The following NPIPB8 variants were observed in gnomAD, a reference collection of about 807,000 sequenced individuals.
NPIPB8 encodes nuclear pore complex interacting protein family member B8, also known as nuclear pore complex-interacting protein family member B8.
Under a neutral mutation model 5.3 loss-of-function variants are expected in NPIPB8, and 3 were observed. The observed-to-expected ratio is 0.57, with a 90% CI of 0.26 to 1.47. The LOEUF is 1.47. NPIPB8 is among the 40% of genes most tolerant of loss of function. The probability of loss-of-function intolerance (pLI) is 0.13; values close to 1 mark genes in which losing one functional copy is unlikely to be tolerated. For missense variants in NPIPB8, 50 were observed against 50.2 expected (o/e 1.00, Z 0.01); for synonymous variants, 18 against 23.0 (o/e 0.78, Z 0.62).
intron 2 of NPIPB8, among the ~76,000 whole-genome samples, chr16:28,641,979 C>T (rs1028617460): frequency 5.4e-5 from 8 of 148,210 alleles, no homozygotes; most frequent in African/African-American, 1.0e-4. Context: ...GCTATGATCA[C>T]GGTGACTCTA....
intron 2 of NPIPB8, among the ~76,000 whole-genome samples, chr16:28,645,213 T>C (rs562976366): frequency 6.4e-5 from 8 of 125,724 alleles, no homozygotes; most frequent in South Asian, 2.4e-4. Flanking sequence ...GTATTTTTAG[T>C]AGAGACGGGG....
At chr16:28,641,147 A>G (rs2047888925) in intron 2 of NPIPB8, among the ~76,000 whole-genome samples, 1 of 151,846 alleles carries the variant, frequency 6.6e-6, no homozygotes, top group African/African-American at 2.4e-5. Context: ...CTTTGTTCCA[A>G]TGGCCCTGGG....
intron 1 of NPIPB8, 67 bp downstream of exon 1, chr16:28,638,217 G>C (rs989350365): frequency 2.1e-6 from 3 of 1,421,010 alleles, no homozygotes; most frequent in Admixed American, 2.4e-5. Context: ...ATTTGAACTT[G>C]GTTCTGTCCT....
At chr16:28,641,613 G>A (rs1313049382) in intron 2 of NPIPB8, among the ~76,000 whole-genome samples, 1 of 137,180 alleles carries the variant, frequency 7.3e-6, no homozygotes, top group East Asian at 2.0e-4. Context: ...TGCCTTCAGT[G>A]ACCAAGGGCC....
chr16:28,640,410 G>C (rs1232599701), intron 2 of NPIPB8, among the ~76,000 whole-genome samples: 1 of 152,152 alleles, frequency 6.6e-6, no homozygotes, highest in Non-Finnish European at 1.5e-5. Flanking sequence ...GCTGTCAGTT[G>C]CTCCAAGAGA....
rs755186099 is a variant in NPIPB8, at chr16:28,638,312, T to C, written c.-38-11T>C. ...TCATTCAACAAACTTTTTTTCTTAA[T>C]TGTCTAATAGGTTGGCACTCATCAT... On this transcript the variant is annotated splice_polypyrimidine_tract_variant and intron_variant, in intron 1 of 7. Transcript: ENST00000683297. The C allele has an allele frequency of 4.5e-6, 7 of 1,557,574 alleles. No individual in the cohort carries two copies. The Admixed American group carries it at 5.6e-5, about 13-fold the overall frequency.
intron 2 of NPIPB8, among the ~76,000 whole-genome samples, chr16:28,638,979 G>C (rs1454680757): frequency 6.7e-6 from 1 of 149,908 alleles, no homozygotes; most frequent in African/African-American, 2.5e-5. Context: ...TGAGACAGGA[G>C]AATTGCTTAG....
chr16:28,646,198 G>T, intron 2 of NPIPB8, among the ~76,000 whole-genome samples: 2 of 18,170 alleles, frequency 1.1e-4, no homozygotes, highest in Non-Finnish European at 1.9e-4. Flanking sequence ...TCTCCACCTT[G>T]GTAATTTTTT....
At chr16:28,637,892 G>A, upstream of NPIPB8, 1 of 366,074 alleles carries the variant, frequency 2.7e-6, no homozygotes, top group South Asian at 4.1e-5. Flanking sequence ...AAGGCCTTGT[G>A]TGATTAAATA....
Position 28,639,516 on chromosome 16 carries a change from G to A in NPIPB8, c.120+1036G>A, listed in dbSNP as rs1448789189. ...CTGTCCCCCAGGCTGGAGTGCAATG[G>A]CACAATCTTGGCTCACTGCAACCTC... is the stretch of plus-strand genomic sequence containing the variant. On this transcript the variant is annotated intron_variant, in intron 2 of 7. Coordinates refer to ENST00000683297, the MANE Select transcript of NPIPB8 (RefSeq NM_001310136.2). Among the ~76,000 whole-genome samples, 179 of 133,780 alleles carry A rather than the reference G, an allele frequency of 1.3e-3. 1 individual carries two copies. The highest frequency in any genetic ancestry group is 2.3e-3 in the Admixed American group (30 of 13,224). The allele number at this position is 133,780 out of a possible 152,430, so 87.8% of individuals were successfully genotyped here. A position where few individuals can be genotyped will look rare whatever the true frequency, so the allele number is the denominator to read the frequency against.
At chr16:28,639,750 G>A (rs565912937) in intron 2 of NPIPB8, among the ~76,000 whole-genome samples, 4 of 150,518 alleles carry the variant, frequency 2.7e-5, no homozygotes, top group Admixed American at 1.3e-4. Flanking sequence ...GCTACACCCC[G>A]TCCAAGATAA....
intron 1 of NPIPB8, 57 bp from the exon 2 acceptor site, chr16:28,638,266 A>G: frequency 1.3e-6 from 2 of 1,534,010 alleles, no homozygotes; most frequent in South Asian, 2.4e-5. Flanking sequence ...TATAGACTCA[A>G]ACATCACCTT....
At chr16:28,644,560 C>A (rs1267625616) in intron 2 of NPIPB8, 1 of 1,514,632 alleles carries the variant, frequency 6.6e-7, no homozygotes, top group Non-Finnish European at 8.9e-7. Flanking sequence ...CTGTCCTGGA[C>A]ACCTCAGGGC....
intron 2 of NPIPB8, among the ~76,000 whole-genome samples, chr16:28,642,530 G>A (rs545198281): frequency 6.6e-6 from 1 of 150,882 alleles, no homozygotes; most frequent in Non-Finnish European, 1.5e-5. Context: ...TGTCGCCTAG[G>A]CTGGAGTGCA....
At chr16:28,642,054 C>T (rs1340505112) in intron 2 of NPIPB8, among the ~76,000 whole-genome samples, 3 of 151,626 alleles carry the variant, frequency 2.0e-5, no homozygotes, top group African/African-American at 4.9e-5. Context: ...GACTTCAACC[C>T]CCACTTACTT....
At chr16:28,642,406 A>G (rs1306454531) in intron 2 of NPIPB8, among the ~76,000 whole-genome samples, 1 of 149,400 alleles carries the variant, frequency 6.7e-6, no homozygotes, top group Non-Finnish European at 1.5e-5. Context: ...GCCCAGCCAA[A>G]TCTAGGGCCG....
rs1336761115 is a variant in NPIPB8, at chr16:28,638,423, C to T, written c.63C>T (p.Thr21=). Residue 21 remains threonine (T), a synonymous_variant, in exon 2 of 8, where the codon ACC becomes ACT. Transcript: ENST00000683297. ...TGTCCCATGACCAGGGCCAGCTCAC[C>T]AAGGAGCTGCAGCAGCATGTAAAGT... is the stretch of plus-strand genomic sequence containing the variant. The part of the protein sequence containing the change: ...QFLSHDQGQL[T]KELQQHVKSV... 2 of 1,571,374 alleles carry T rather than the reference C, an allele frequency of 1.3e-6. No individual in the cohort carries two copies. The highest frequency in any genetic ancestry group is 1.7e-6 in the Non-Finnish European group (2 of 1,166,202).
rs146782297 is a variant in NPIPB8, at chr16:28,640,784, T to C, written c.120+2304T>C. Among the ~76,000 whole-genome samples, 126 of 152,280 alleles carry C rather than the reference T, an allele frequency of 8.3e-4. 1 individual carries two copies. In the East Asian group the frequency reaches 0.023, roughly 28 times the overall value. On this transcript the variant is annotated intron_variant, in intron 2 of 7. Coordinates refer to ENST00000683297, the MANE Select transcript of NPIPB8 (RefSeq NM_001310136.2). ...CTTCAGAAAAAGCAGTTTGGTCGAA[T>C]GTAATCAGCAGTGAACTCAGAATCA...
intron 2 of NPIPB8, among the ~76,000 whole-genome samples, chr16:28,640,852 AC>A (rs2047883820): frequency 6.6e-6 from 1 of 152,094 alleles, no homozygotes; most frequent in South Asian, 2.1e-4. Context: ...TGCCTCAGTT[AC>A]CCCATATGAT....
Sources: gnomAD v4.1 joint callset for allele counts (sites outside exome capture counted in the v4.1 genomes callset) on GRCh38, gnomAD v4.1.1 for gene constraint, MANE v1.5 for transcripts, NCBI Gene and HGNC (gene_info 2026-07-23, HGNC 2026-07-21) for gene names.